TXLNB: variants seen among roughly 807,000 people sequenced by gnomAD.
TXLNB encodes the protein beta-taxilin.
TXLNB carries 37 observed loss-of-function variants against 57.4 expected under a neutral mutation model. That is an observed-to-expected ratio of 0.64 (90% confidence interval 0.50 to 0.85). The LOEUF (loss-of-function observed/expected upper bound fraction) is 0.85, where lower values mean the gene tolerates loss of function less well. TXLNB is among the 40% of genes least tolerant of loss of function. TXLNB has a pLI of 0.00. For synonymous variants in TXLNB, 302 were observed against 309.6 expected (o/e 0.98, Z 0.26); for missense variants, 848 against 825.6 (o/e 1.03, Z -0.33).
the TXLNB span, among the ~76,000 whole-genome samples, chr6:139,214,281 T>C: frequency 2.0e-5 from 3 of 152,184 alleles, no homozygotes; most frequent in Admixed American, 6.5e-5. Flanking sequence ...TTATCCACCA[T>C]GATCAAGTGG....
chr6:139,306,442 T>C, the TXLNB span, among the ~76,000 whole-genome samples: 14 of 152,208 alleles, frequency 9.2e-5, no homozygotes, highest in Admixed American at 2.6e-4. Context: ...GGATGTGCTA[T>C]ACAAAAGGTG....
the TXLNB span, among the ~76,000 whole-genome samples, chr6:139,216,633 A>AG: frequency 6.6e-6 from 1 of 152,174 alleles, no homozygotes; most frequent in Non-Finnish European, 1.5e-5. Flanking sequence ...AATAATAATA[A>AG]TTTTAAAAAA....
chr6:139,265,577 A>G (rs1436981592), intron 4 of TXLNB, among the ~76,000 whole-genome samples: 2 of 152,220 alleles, frequency 1.3e-5, no homozygotes, highest in Non-Finnish European at 1.5e-5. Flanking sequence ...CTCCCAGCGC[A>G]TGGATTTTAG....
intron 4 of TXLNB, chr6:139,269,281 T>C (rs991757727): frequency 6.6e-6 from 1 of 152,236 alleles, no homozygotes; most frequent in Non-Finnish European, 1.5e-5. Flanking sequence ...TGTTGATAAA[T>C]GATCCCACCC....
At chr6:139,261,960 G>A (rs1333530871) in intron 5 of TXLNB, among the ~76,000 whole-genome samples, 1 of 140,318 alleles carries the variant, frequency 7.1e-6, no homozygotes, top group African/African-American at 2.8e-5. Context: ...CTGGAGTGCA[G>A]TGGCGTGATC....
the TXLNB span, among the ~76,000 whole-genome samples, chr6:139,168,166 C>T: frequency 6.6e-6 from 1 of 152,206 alleles, no homozygotes; most frequent in Non-Finnish European, 1.5e-5. Context: ...ATTGTAAATA[C>T]TGCTGTCTTC....
the TXLNB span, among the ~76,000 whole-genome samples, chr6:139,228,191 C>G: frequency 2.8e-4 from 42 of 152,120 alleles, no homozygotes; most frequent in African/African-American, 1.0e-3. Context: ...ATGACAGCAA[C>G]CCATCCAGCA....
the TXLNB span, among the ~76,000 whole-genome samples, chr6:139,167,603 A>G: frequency 6.6e-6 from 1 of 152,162 alleles, no homozygotes; most frequent in Admixed American, 6.5e-5. Flanking sequence ...TGGGGAAGGA[A>G]ATTAGTGGAG....
At chr6:139,293,251 C>T (rs1303956943), upstream of TXLNB, among the ~76,000 whole-genome samples, 1 of 152,154 alleles carries the variant, frequency 6.6e-6, no homozygotes, top group Non-Finnish European at 1.5e-5. Flanking sequence ...GCCACCACAT[C>T]CAGCTAATTT....
chr6:139,219,548 C>T, the TXLNB span, among the ~76,000 whole-genome samples: 292 of 152,302 alleles, frequency 1.9e-3, no homozygotes, highest in African/African-American at 6.6e-3. Flanking sequence ...TGCTTGCAGG[C>T]AGTTTCAGAG....
chr6:139,296,966 C>G (rs1216996996), upstream of TXLNB, among the ~76,000 whole-genome samples: 1 of 152,154 alleles, frequency 6.6e-6, no homozygotes, highest in Non-Finnish European at 1.5e-5. Context: ...GCTTTACTGC[C>G]AATTTCAATA....
Position 139,283,151 on chromosome 6 carries a change from TC to T in TXLNB, c.424+5324del, listed in dbSNP as rs1242059636. 27 of 143,792 alleles carry T rather than the reference TC, an allele frequency of 1.9e-4. 4 individuals carry two copies. The highest frequency in any genetic ancestry group is 6.9e-4 in the African/African-American group (27 of 38,928). The allele number at this position is 143,792 out of a possible 1,614,324, so 8.9% of individuals were successfully genotyped here. ...ACCCACGAGAGAGATTTTTAAATAT[TC>T]CCCCAACTGCTCCGGTAAGTACTGC... On this transcript the variant is annotated intron_variant, in intron 2 of 9. Transcript: ENST00000358430.
chr6:139,183,334 G>A, the TXLNB span: 1 of 152,190 alleles, frequency 6.6e-6, no homozygotes, highest in African/African-American at 2.4e-5. Flanking sequence ...TTTCCCTTCT[G>A]TTTTCTGTTA....
At chr6:139,292,888 C>T (rs527603491), upstream of TXLNB, among the ~76,000 whole-genome samples, 94 of 152,270 alleles carry the variant, frequency 6.2e-4, no homozygotes, top group South Asian at 1.2e-3. The surrounding 1 kb of genome is among the most constrained non-coding windows in gnomAD (Gnocchi z 4.0). Context: ...ATTCCTCCAT[C>T]GGTTTCTGCT....
In TXLNB at chr6:139,246,680, C is replaced by T. The variant is rs571100046; in HGVS notation, c.1170+1137G>A. On this transcript the variant is annotated intron_variant, in intron 8 of 9. Transcript: ENST00000358430. ...CTGTAATCCCAGCACTTTGAGAGGC[C>T]GTGGTGGGTGGATCACATGAGGTCA... 4.7e-4 allele frequency among the ~76,000 whole-genome samples: 72 copies of T among 152,000 alleles called. 1 individual carries two copies. Among genetic ancestry groups the T allele is most frequent in the Middle Eastern group, 3.4e-3 (1 of 294 alleles).
chr6:139,194,182 C>T, the TXLNB span, among the ~76,000 whole-genome samples: 1 of 152,126 alleles, frequency 6.6e-6, no homozygotes, highest in Admixed American at 6.6e-5. Context: ...TCCTCATGAT[C>T]CACCCGCCTC....
chr6:139,244,021 C>T (rs1776013592), intron 9 of TXLNB, among the ~76,000 whole-genome samples: 1 of 152,084 alleles, frequency 6.6e-6, no homozygotes, highest in African/African-American at 2.4e-5. Context: ...ATGGAGAGAC[C>T]TTCACCTGTA....
chr6:139,248,507 A>G (rs1050253916), intron 7 of TXLNB, among the ~76,000 whole-genome samples: 1 of 152,014 alleles, frequency 6.6e-6, no homozygotes, highest in African/African-American at 2.4e-5. Context: ...CAAAAAAAAA[A>G]AGAAAAAAAT....
the TXLNB span, among the ~76,000 whole-genome samples, chr6:139,189,850 A>G: frequency 6.6e-6 from 1 of 152,170 alleles, no homozygotes; most frequent in Non-Finnish European, 1.5e-5. Flanking sequence ...TGTACTATGG[A>G]AGTCACGTGA....
Sources: gnomAD v4.1 joint callset for allele counts (sites outside exome capture counted in the v4.1 genomes callset) on GRCh38, gnomAD v4.1.1 for gene constraint, Gnocchi (gnomAD v3.1) non-coding constraint, MANE v1.5 for transcripts, NCBI Gene and HGNC (gene_info 2026-07-23, HGNC 2026-07-21) for gene names.